ADAM12: variants seen among roughly 807,000 people sequenced by gnomAD.
ADAM12 encodes ADAM metallopeptidase domain 12.
Under a neutral mutation model 106.4 loss-of-function variants are expected in ADAM12, and 70 were observed. The ratio of observed to expected loss-of-function variants is 0.66; its 90% CI spans 0.54 to 0.80. The LOEUF (loss-of-function observed/expected upper bound fraction) is 0.80, where lower values mean the gene tolerates loss of function less well. Ranked by LOEUF, ADAM12 falls within the 30% of genes least tolerant of loss-of-function variation. The pLI, the probability that ADAM12 is intolerant of heterozygous loss-of-function variation, is 0.00. For synonymous variants in ADAM12, 420 were observed against 433.5 expected (o/e 0.97, Z 0.39); for missense variants, 1,010 against 1,171.9 (o/e 0.86, Z 2.02).
rs542859858 is a variant in ADAM12 at position 126,084,930 on chromosome 10, G to A, written c.1145+9055C>T. ...GTGTGCTCACCTGTAAAATGGAGACGATTGTACCTGTTCTTTATTTTTAGG... is the reference window on the plus strand; with the variant it reads ...GTGTGCTCACCTGTAAAATGGAGACAATTGTACCTGTTCTTTATTTTTAGG... On this transcript the variant is annotated intron_variant, in intron 11 of 22. Transcript: ENST00000448723. 1.5e-3 allele frequency among the ~76,000 whole-genome samples: 223 copies of A among 152,340 alleles called. 2 individuals carry two copies. Among genetic ancestry groups the A allele is most frequent in the African/African-American group, 5.0e-3 (206 of 41,584 alleles).
intron 2 of ADAM12, among the ~76,000 whole-genome samples, chr10:126,311,110 CACACA>C (rs1961073516): frequency 6.6e-6 from 1 of 150,578 alleles, no homozygotes; most frequent in African/African-American, 2.5e-5. Flanking sequence ...CACACACACA[CACACA>C]CACACACACA....
chr10:126,196,865 T>C (rs968854840), intron 3 of ADAM12, among the ~76,000 whole-genome samples: 9 of 152,232 alleles, frequency 5.9e-5, no homozygotes, highest in Admixed American at 5.9e-4. Context: ...AGTGGGGAAT[T>C]TGATTTTAAC....
At chr10:126,132,310 C>A (rs934393739) in intron 5 of ADAM12, among the ~76,000 whole-genome samples, 2 of 152,140 alleles carry the variant, frequency 1.3e-5, no homozygotes, top group African/African-American at 4.8e-5. Flanking sequence ...GACCTTAATG[C>A]CAAATTGAAG....
intron 1 of ADAM12, among the ~76,000 whole-genome samples, chr10:126,347,390 A>T (rs1564747596): frequency 6.6e-6 from 1 of 152,178 alleles, no homozygotes; most frequent in Non-Finnish European, 1.5e-5. Context: ...CTGAGAGATC[A>T]GCTGTTAGTC....
intron 7 of ADAM12, 30 bp downstream of exon 7, chr10:126,109,745 C>A (rs200107925): frequency 6.3e-7 from 1 of 1,597,566 alleles, no homozygotes. Context: ...CTCTAACCAA[C>A]CATACTGAGA....
intron 6 of ADAM12, among the ~76,000 whole-genome samples, chr10:126,115,085 C>T (rs1955954982): frequency 1.3e-5 from 2 of 152,190 alleles, no homozygotes; most frequent in African/African-American, 4.8e-5. Context: ...AGCAAAACAG[C>T]ACCTCCCCAA....
rs1590789394 is a variant in ADAM12 at position 126,330,439 on chromosome 10, C to G, written c.159G>C (p.Trp53Cys). 1 of 1,613,832 alleles carries G rather than the reference C, an allele frequency of 6.2e-7. No homozygotes were observed. Among genetic ancestry groups the G allele is most frequent in the East Asian group, 2.2e-5 (1 of 44,858 alleles). Residue 53 changes from tryptophan (W) to cysteine (C), a missense_variant, in exon 2 of 23, where the codon TGG becomes TGC. By Grantham distance (215) the Trp-to-Cys change is radical. Around this residue, in one of 3 missense-constraint regions of ADAM12, gnomAD observed 391 missense variants for 442.9 expected, o/e 0.88. Transcript: ENST00000448723. Reference sequence around the variant, plus strand: ...TGGAGTCGAAGCTCTTCACTGGGATCCAGAGGTCCCCACTCCCAACAGAGG... The same window carrying G: ...TGGAGTCGAAGCTCTTCACTGGGATGCAGAGGTCCCCACTCCCAACAGAGG... ...VSASVGSGDL[W>C]IPVKSFDSKN...
chr10:126,112,694 T>C (rs2133606402), intron 6 of ADAM12, among the ~76,000 whole-genome samples: 1 of 152,348 alleles, frequency 6.6e-6, no homozygotes, highest in East Asian at 1.9e-4. Flanking sequence ...TTGCAATTCT[T>C]TCTTCATATG....
intron 21 of ADAM12, among the ~76,000 whole-genome samples, chr10:126,032,544 C>T (rs960987412): frequency 6.6e-6 from 1 of 152,160 alleles, no homozygotes. Context: ...GAGAAAAAAA[C>T]ACCAGCAGTA....
At chr10:126,186,823 C>T (rs1194748766) in intron 3 of ADAM12, among the ~76,000 whole-genome samples, 1 of 152,210 alleles carries the variant, frequency 6.6e-6, no homozygotes, top group Admixed American at 6.5e-5. Flanking sequence ...GTGAAATTGA[C>T]ATTTCTGCAG....
chr10:126,194,487 C>T (rs748186423), intron 3 of ADAM12, among the ~76,000 whole-genome samples: 4 of 152,114 alleles, frequency 2.6e-5, no homozygotes, highest in African/African-American at 4.8e-5. Flanking sequence ...ATTTCTCACA[C>T]GTAGAGAAAG....
chr10:126,097,706 T>C (rs1304974459), intron 10 of ADAM12, among the ~76,000 whole-genome samples: 1 of 152,184 alleles, frequency 6.6e-6, no homozygotes, highest in Non-Finnish European at 1.5e-5. Context: ...AGGGACAGCA[T>C]AGGGTGAAAA....
chr10:126,347,479 T>C (rs3952714), intron 1 of ADAM12, among the ~76,000 whole-genome samples: 6,974 of 152,242 alleles, frequency 0.046, 547 homozygotes, highest in African/African-American at 0.16. Flanking sequence ...TCAACTTTGG[T>C]GAATCTGACA....
intron 1 of ADAM12, among the ~76,000 whole-genome samples, chr10:126,351,396 G>A (rs759791172): frequency 1.3e-5 from 2 of 152,184 alleles, no homozygotes; most frequent in African/African-American, 2.4e-5. Flanking sequence ...CTGCATGCTT[G>A]CACTACAATG....
At chr10:126,123,939 A>G (rs3781041) in intron 5 of ADAM12, among the ~76,000 whole-genome samples, 5,956 of 152,292 alleles carry the variant, frequency 0.039, 247 homozygotes, top group East Asian at 0.15. Context: ...ATCTATTAAA[A>G]TTTTATTAGT....
intron 3 of ADAM12, among the ~76,000 whole-genome samples, chr10:126,184,268 G>A (rs896056478): frequency 9.2e-5 from 14 of 152,126 alleles, no homozygotes; most frequent in African/African-American, 2.9e-4. Context: ...CGTTACATTC[G>A]GTTTTGTAAT....
chr10:126,095,129 C>T (rs1368591497), intron 10 of ADAM12, among the ~76,000 whole-genome samples: 2 of 152,218 alleles, frequency 1.3e-5, no homozygotes, highest in East Asian at 3.9e-4. Context: ...AAGATGTTTT[C>T]CAAGAGGCTT....
chr10:126,118,250 T>A, intron 5 of ADAM12, 26 bp from the exon 6 acceptor site: 1 of 1,560,480 alleles, frequency 6.4e-7, no homozygotes, highest in Non-Finnish European at 8.8e-7. Flanking sequence ...CAAGAAAAAA[T>A]ATATAATTTT....
intron 2 of ADAM12, among the ~76,000 whole-genome samples, chr10:126,292,830 A>AT (rs1009902968): frequency 1.3e-5 from 2 of 152,176 alleles, no homozygotes; most frequent in African/African-American, 4.8e-5. Flanking sequence ...ATTCTTTTGA[A>AT]TTTTTTTCTC....
Sources: gnomAD v4.1 joint callset for allele counts (sites outside exome capture counted in the v4.1 genomes callset) on GRCh38, gnomAD v4.1.1 for gene constraint, gnomAD v4.1.1 regional missense constraint, MANE v1.5 for transcripts, NCBI Gene and HGNC (gene_info 2026-07-23, HGNC 2026-07-21) for gene names.